The following DCAF1 variants were observed in gnomAD, a reference collection of about 807,000 sequenced individuals.
The protein encoded by DCAF1 is DDB1- and CUL4-associated factor 1.
Under a neutral mutation model 128.0 loss-of-function variants are expected in DCAF1, and 15 were observed. That is an observed-to-expected ratio of 0.12 (90% CI 0.08 to 0.18). The LOEUF (loss-of-function observed/expected upper bound fraction) is 0.18. Ranked by LOEUF, DCAF1 falls within the 10% of genes least tolerant of loss-of-function variation. The pLI is 1.00. For synonymous variants in DCAF1, 610 were observed against 603.0 expected (o/e 1.01, Z -0.17); for missense variants, 988 against 1,649.5 (o/e 0.60, Z 6.95).
intron 24 of DCAF1, among the ~76,000 whole-genome samples, chr3:51,400,074 G>A (rs1319527716): frequency 2.0e-5 from 3 of 152,246 alleles, no homozygotes; most frequent in Non-Finnish European, 4.4e-5. Flanking sequence ...AAAAAGTCTG[G>A]AAGTAAGCAA....
rs1553632379 is a variant in DCAF1 at position 51,421,017 on chromosome 3, T to C, written c.1973-20A>G. On this transcript the variant is annotated intron_variant, in intron 14 of 24. Coordinates refer to ENST00000684031, the MANE Select transcript of DCAF1 (RefSeq NM_001387579.1). ...TGATACCTAATGGGAAAAAAAATTA[T>C]GTATTATTCACCATAAAACTAATGG... is the stretch of plus-strand genomic sequence containing the variant. 2 of 1,590,232 alleles carry C rather than the reference T, an allele frequency of 1.3e-6. No individual in the cohort carries two copies. The highest frequency in any genetic ancestry group is 2.2e-5 in the East Asian group (1 of 44,586).
At chr3:51,456,673 G>C (rs578153981) in intron 6 of DCAF1, among the ~76,000 whole-genome samples, 1 of 152,114 alleles carries the variant, frequency 6.6e-6, no homozygotes, top group Non-Finnish European at 1.5e-5. Context: ...CAGTAGGGGC[G>C]GACTGACACC....
intron 9 of DCAF1, chr3:51,437,361 A>T (rs781960926): frequency 7.7e-6 from 3 of 389,582 alleles, no homozygotes; most frequent in Middle Eastern, 3.4e-4. Context: ...GGGGCTGAAC[A>T]TGGGAGGGCA....
At chr3:51,443,045 C>T (rs531598174) in intron 7 of DCAF1, among the ~76,000 whole-genome samples, 3 of 151,748 alleles carry the variant, frequency 2.0e-5, no homozygotes, top group South Asian at 2.1e-4. Context: ...TAAACGTGCA[C>T]ATCCTGCAGA....
chr3:51,398,775 A>G lies in DCAF1; in HGVS notation c.4518T>C (p.Asn1506=). The stretch of plus-strand genomic sequence containing the variant: ...TCCAAGCAGTGATGGCTCCTCACTC[A>G]TTCAGAGATAAGATGATGTCATCTT... ...DLEDDIILSL[N]E Residue 1506 remains asparagine (N), a synonymous_variant, in exon 25 of 25, where the codon AAT becomes AAC. Coordinates refer to ENST00000684031, the MANE Select transcript of DCAF1 (RefSeq NM_001387579.1). The G allele has an allele frequency of 6.3e-7, 1 of 1,590,110 alleles. No homozygotes were observed.
chr3:51,441,019 A>G lies in DCAF1; in HGVS notation c.1079T>C (p.Ile360Thr), dbSNP rs782317071. ...GACATCATTAGTTTGCTTCAGGTCA[A>G]TATAGAACATCATCAGCTCCCGTGA... is the stretch of plus-strand genomic sequence containing the variant. ...LGSRELMMFY[I>T]DLKQTNDVLL... The change falls in exon 9 of 25, where the codon ATT becomes ACT. Residue 360 changes from isoleucine (I) to threonine (T), a missense_variant. Ile to Thr is a moderately conservative substitution (Grantham distance 89, BLOSUM62 -1). Transcript: ENST00000684031. The G allele has an allele frequency of 4.3e-6, 7 of 1,613,238 alleles. No homozygotes were observed. In the South Asian group the frequency reaches 7.7e-5, roughly 18 times the overall value.
chr3:51,488,448 C>T (rs988421703), intron 2 of DCAF1, among the ~76,000 whole-genome samples: 3 of 151,906 alleles, frequency 2.0e-5, no homozygotes, highest in African/African-American at 4.8e-5. Context: ...GAGGCCAAGG[C>T]GGGTGGATCA....
At chr3:51,459,945 A>G (rs1703356767) in intron 6 of DCAF1, among the ~76,000 whole-genome samples, 1 of 152,198 alleles carries the variant, frequency 6.6e-6, no homozygotes, top group South Asian at 2.1e-4. Context: ...CCCACAGCCA[A>G]TATCATACTG....
At chr3:51,471,430 G>A (rs199923744) in intron 3 of DCAF1, among the ~76,000 whole-genome samples, 4 of 151,644 alleles carry the variant, frequency 2.6e-5, no homozygotes, top group South Asian at 2.1e-4. Context: ...TGATCCACCC[G>A]CCTCAGCCTC....
At chr3:51,400,504 A>G (rs541488330) in intron 24 of DCAF1, among the ~76,000 whole-genome samples, 3 of 152,340 alleles carry the variant, frequency 2.0e-5, no homozygotes, top group Admixed American at 6.5e-5. Context: ...CTGTAAATGC[A>G]GCTTAACGAG....
chr3:51,474,055 C>T (rs189902604), intron 3 of DCAF1, among the ~76,000 whole-genome samples: 49 of 152,104 alleles, frequency 3.2e-4, no homozygotes, highest in Middle Eastern at 3.4e-3. Flanking sequence ...GTGATCCACC[C>T]GCCTTGGTTT....
In DCAF1 at chr3:51,499,954, C is replaced by G. The variant is rs1708689986; in HGVS notation, c.-137G>C. 2 of 148,704 alleles carry G rather than the reference C, an allele frequency of 1.3e-5. No homozygotes were observed. Among genetic ancestry groups the G allele is most frequent in the African/African-American group, 5.0e-5 (2 of 40,188 alleles). 9.2% of individuals were successfully genotyped at this position (148,704 alleles called of 1,614,324 possible). On this transcript the variant is annotated 5_prime_UTR_variant, in exon 1 of 25. Transcript: ENST00000684031. ...CACACACACAGCCTCAGGTCCCGCA[C>G]TCACTCTCCACTCACACACACACAC...
intron 2 of DCAF1, among the ~76,000 whole-genome samples, chr3:51,490,404 A>G (rs1553657435): frequency 6.6e-6 from 1 of 152,118 alleles, no homozygotes; most frequent in African/African-American, 2.4e-5. Flanking sequence ...GCACTCTAGC[A>G]TTGAAGACAT....
At chr3:51,463,318 TTTC>T in intron 5 of DCAF1, 91 bp from the exon 6 acceptor site, 1 of 652,948 alleles carries the variant, frequency 1.5e-6, no homozygotes, top group Non-Finnish European at 2.4e-6. Flanking sequence ...TTCCCATTAC[TTTC>T]TTAACGGGTA....
At chr3:51,440,907 A>C in intron 9 of DCAF1, 63 bp downstream of exon 9, 1 of 1,413,608 alleles carries the variant, frequency 7.1e-7, no homozygotes, top group Non-Finnish European at 9.7e-7. Flanking sequence ...CTCCATCTTA[A>C]ATTTAAAAAA....
chr3:51,405,501 TGA>T (rs1456656990), intron 23 of DCAF1, among the ~76,000 whole-genome samples: 4 of 152,162 alleles, frequency 2.6e-5, no homozygotes, highest in Non-Finnish European at 5.9e-5. Context: ...TATGTGACCA[TGA>T]GAGAGAGGAG....
chr3:51,411,292 T>C (rs1390788636), intron 23 of DCAF1, among the ~76,000 whole-genome samples: 3 of 151,970 alleles, frequency 2.0e-5, no homozygotes, highest in Non-Finnish European at 4.4e-5. Flanking sequence ...AAGAGCAAAG[T>C]CAAATCCTAG....
chr3:51,453,942 A>C, intron 6 of DCAF1, among the ~76,000 whole-genome samples: 1 of 148,980 alleles, frequency 6.7e-6, no homozygotes, highest in Non-Finnish European at 1.5e-5. Context: ...ACAGAGCGAG[A>C]CTCCATCTCA....
chr3:51,492,152 G>A lies in DCAF1; in HGVS notation c.-9+4582C>T, dbSNP rs184102325. 7.5e-3 allele frequency among the ~76,000 whole-genome samples: 1,098 copies of A among 146,644 alleles called. 4 individuals are homozygous for A. Among genetic ancestry groups the A allele is most frequent in the Non-Finnish European group, 0.011 (750 of 66,956 alleles). ...CTAGCCTGGTGACAGAGCAAGACCCGTCTCAAAAAAAAAAAAAAAGTAGTG... is the reference window on the plus strand; with the variant it reads ...CTAGCCTGGTGACAGAGCAAGACCCATCTCAAAAAAAAAAAAAAAGTAGTG... On this transcript the variant is annotated intron_variant, in intron 2 of 24. Transcript: ENST00000684031.
Sources: allele counts gnomAD v4.1 joint callset (sites outside exome capture counted in the v4.1 genomes callset), GRCh38; gene constraint gnomAD v4.1.1; transcripts MANE v1.5; gene names NCBI Gene and HGNC (gene_info 2026-07-23, HGNC 2026-07-21).